The following EPHA6 variants were observed in gnomAD, a reference collection of about 807,000 sequenced individuals.
The protein encoded by EPHA6 is ephrin type-A receptor 6.
EPHA6 carries 50 observed loss-of-function variants against 112.0 expected under a neutral mutation model. The ratio of observed to expected loss-of-function variants is 0.45; its 90% CI spans 0.36 to 0.56. EPHA6 has a LOEUF of 0.56. EPHA6 is among the 20% of genes least tolerant of loss of function. The pLI, the probability that EPHA6 is intolerant of heterozygous loss-of-function variation, is 0.00. For synonymous variants in EPHA6, 529 were observed against 490.7 expected (o/e 1.08, Z -1.03); for missense variants, 1,280 against 1,417.4 (o/e 0.90, Z 1.56).
At chr3:97,417,431 A>T (rs909035177) in intron 6 of EPHA6, among the ~76,000 whole-genome samples, 2 of 152,156 alleles carry the variant, frequency 1.3e-5, no homozygotes, top group Non-Finnish European at 2.9e-5. Context: ...TGGAAAAAAA[A>T]GTGCTATGTC....
chr3:97,747,400 T>C lies in EPHA6; in HGVS notation c.3129-23T>C, dbSNP rs1177249706. 4.0e-6 allele frequency: 6 copies of C among 1,501,916 alleles called. No homozygotes were observed. In the African/African-American group the frequency reaches 8.6e-5, roughly 21 times the overall value. 93.0% of individuals were successfully genotyped at this position (1,501,916 alleles called of 1,614,324 possible). ...TGGCTTTTAAATGCTCTCCATGTTT[T>C]GTTTTGTTTTGTTTTCTTACAGAAT... On this transcript the variant is annotated intron_variant, in intron 16 of 17. Transcript: ENST00000389672.
At chr3:97,307,853 ATCTC>A (rs1218015326) in intron 5 of EPHA6, among the ~76,000 whole-genome samples, 15 of 151,728 alleles carry the variant, frequency 9.9e-5, no homozygotes, top group Admixed American at 5.9e-4. Flanking sequence ...ATTTCAAACT[ATCTC>A]TCTCTACCAA....
chr3:96,867,276 A>G (rs1230604777), intron 2 of EPHA6, among the ~76,000 whole-genome samples: 3 of 151,834 alleles, frequency 2.0e-5, no homozygotes, highest in African/African-American at 7.2e-5. Context: ...GGATTGTGCA[A>G]ATATTAACAA....
intron 3 of EPHA6, among the ~76,000 whole-genome samples, chr3:97,213,552 A>T (rs1576693606): frequency 1.3e-5 from 2 of 152,280 alleles, no homozygotes; most frequent in East Asian, 3.9e-4. Flanking sequence ...CTTGTCCTGG[A>T]GCTGTCTATG....
chr3:97,642,631 T>C (rs1400878489), intron 14 of EPHA6, among the ~76,000 whole-genome samples: 2 of 152,010 alleles, frequency 1.3e-5, no homozygotes, highest in African/African-American at 2.4e-5. Context: ...GCTCGAGAAC[T>C]ACGTGAAGAA....
At chr3:96,859,992 A>T (rs568972503) in intron 1 of EPHA6, among the ~76,000 whole-genome samples, 1 of 152,304 alleles carries the variant, frequency 6.6e-6, no homozygotes, top group African/African-American at 2.4e-5. Context: ...CAAAAATCCT[A>T]GTAGTGAAAG....
chr3:97,333,143 C>T (rs1047115973), intron 5 of EPHA6, among the ~76,000 whole-genome samples: 1 of 151,862 alleles, frequency 6.6e-6, no homozygotes, highest in South Asian at 2.1e-4. Context: ...TTTCTATTAT[C>T]AACATTTTAT....
At chr3:96,886,631 T>C (rs1257683353) in intron 2 of EPHA6, among the ~76,000 whole-genome samples, 1 of 152,228 alleles carries the variant, frequency 6.6e-6, no homozygotes, top group Non-Finnish European at 1.5e-5. Context: ...TTATCCATTC[T>C]GTGGTTCTGT....
chr3:97,024,028 T>C (rs1163290918), intron 3 of EPHA6, among the ~76,000 whole-genome samples: 1 of 152,180 alleles, frequency 6.6e-6, no homozygotes, highest in African/African-American at 2.4e-5. Context: ...GGAATTGTTA[T>C]GAGATGATCT....
intron 3 of EPHA6, among the ~76,000 whole-genome samples, chr3:97,141,357 A>C (rs1303321305): frequency 6.6e-6 from 1 of 152,206 alleles, no homozygotes; most frequent in Non-Finnish European, 1.5e-5. Context: ...AGAATGTTCT[A>C]CCTATCAGCC....
intron 2 of EPHA6, among the ~76,000 whole-genome samples, chr3:96,919,761 T>G (rs571375189): frequency 4.6e-5 from 7 of 152,026 alleles, no homozygotes; most frequent in Non-Finnish European, 7.4e-5. Flanking sequence ...TGCAAGCCTT[T>G]TGTGCTATTA....
chr3:97,740,648 T>G (rs17703255), intron 16 of EPHA6, among the ~76,000 whole-genome samples: 1 of 152,134 alleles, frequency 6.6e-6, no homozygotes, highest in Admixed American at 6.5e-5. Flanking sequence ...CCAATACCAT[T>G]ATTTAGAACC....
intron 3 of EPHA6, among the ~76,000 whole-genome samples, chr3:97,220,535 AG>A: frequency 6.6e-6 from 1 of 152,184 alleles, no homozygotes; most frequent in Non-Finnish European, 1.5e-5. Flanking sequence ...CAGAAGGCAA[AG>A]GGGAAGCAAG....
At chr3:97,150,431 T>C (rs919676654) in intron 3 of EPHA6, among the ~76,000 whole-genome samples, 1 of 152,144 alleles carries the variant, frequency 6.6e-6, no homozygotes, top group African/African-American at 2.4e-5. Context: ...AATCAATGTC[T>C]TACTCTGCAG....
chr3:96,834,692 G>A (rs2107292948), intron 1 of EPHA6, among the ~76,000 whole-genome samples: 1 of 152,022 alleles, frequency 6.6e-6, no homozygotes, highest in Non-Finnish European at 1.5e-5. Flanking sequence ...TAAGGTACTT[G>A]ATTTGTGTCT....
At chr3:97,044,742 C>T (rs910441179) in intron 3 of EPHA6, among the ~76,000 whole-genome samples, 3 of 151,878 alleles carry the variant, frequency 2.0e-5, no homozygotes, top group South Asian at 2.1e-4. Flanking sequence ...GATTTGTATG[C>T]GGGACACCGA....
intron 2 of EPHA6, among the ~76,000 whole-genome samples, chr3:96,912,356 C>A (rs1380823863): frequency 1.3e-5 from 2 of 151,946 alleles, no homozygotes; most frequent in Non-Finnish European, 2.9e-5. Flanking sequence ...AGTGAAACAA[C>A]AAGTATGCCA....
At position 97,544,818 on chromosome 3, in the gene EPHA6, G is replaced by T. The variant is rs540923857; in HGVS notation, c.2386+12275G>T. 2.0e-5 allele frequency among the ~76,000 whole-genome samples: 3 copies of T among 152,228 alleles called. No homozygotes were observed. The South Asian group carries it at 6.2e-4, about 32-fold the overall frequency. ...TTCAACTTCTTCCTGGTTTAGTCTT[G>T]GGAGGATGTATGTGTCGAGGAATTT... On this transcript the variant is annotated intron_variant, in intron 11 of 17. Transcript: ENST00000389672.
At chr3:97,611,701 A>T (rs891293407) in intron 13 of EPHA6, among the ~76,000 whole-genome samples, 3 of 151,860 alleles carry the variant, frequency 2.0e-5, no homozygotes, top group Non-Finnish European at 2.9e-5. Context: ...CTATATATAT[A>T]TAACTATTTT....
Sources: gnomAD v4.1 joint callset for allele counts (sites outside exome capture counted in the v4.1 genomes callset) on GRCh38, gnomAD v4.1.1 for gene constraint, MANE v1.5 for transcripts, NCBI Gene and HGNC (gene_info 2026-07-23, HGNC 2026-07-21) for gene names.